Variants in SGCD observed in about 807,000 individuals in gnomAD.
The protein encoded by SGCD is sarcoglycan delta, also known as delta-sarcoglycan.
Under a neutral mutation model 36.6 loss-of-function variants are expected in SGCD, and 18 were observed. The observed-to-expected ratio is 0.49, with a 90% CI of 0.34 to 0.73. The LOEUF is 0.73. SGCD is among the 30% of genes least tolerant of loss of function. The pLI is 0.01. For missense variants in SGCD, 387 were observed against 346.7 expected (o/e 1.12, Z -0.92); for synonymous variants, 133 against 130.6 (o/e 1.02, Z -0.12).
rs544092059 is a variant in SGCD, at chr5:156,518,207, C to T, written c.294+9505C>T. Among the ~76,000 whole-genome samples, 44 of 152,108 alleles carry T rather than the reference C, an allele frequency of 2.9e-4. 1 individual carries two copies. The highest frequency in any genetic ancestry group is 2.0e-3 in the Admixed American group (31 of 15,276). ...GTCACAATCCTAGTTTCCGACAAAACGGGCTTTAAACCAACAAAAATTTAA... is the reference window on the plus strand; with the variant it reads ...GTCACAATCCTAGTTTCCGACAAAATGGGCTTTAAACCAACAAAAATTTAA... On this transcript the variant is annotated intron_variant, in intron 4 of 8. Transcript: ENST00000337851.
chr5:156,486,875 AC>A (rs1450698351), intron 3 of SGCD, among the ~76,000 whole-genome samples: 1 of 151,910 alleles, frequency 6.6e-6, no homozygotes, highest in Non-Finnish European at 1.5e-5. Context: ...CTCCACCACC[AC>A]CAGTGCCTAT....
the SGCD span, among the ~76,000 whole-genome samples, chr5:155,765,086 C>T: frequency 9.2e-5 from 14 of 151,790 alleles, no homozygotes; most frequent in African/African-American, 3.1e-4. Context: ...CAAGACCAGC[C>T]TGGGGAACAT....
chr5:156,359,543 A>G (rs1025707161), intron 3 of SGCD, among the ~76,000 whole-genome samples: 1 of 152,172 alleles, frequency 6.6e-6, no homozygotes, highest in Non-Finnish European at 1.5e-5. Context: ...CAGAGCTGGG[A>G]TATAAAGCCA....
the SGCD span, among the ~76,000 whole-genome samples, chr5:155,748,451 C>A: frequency 6.6e-6 from 1 of 152,062 alleles, no homozygotes; most frequent in African/African-American, 2.4e-5. Context: ...ATACCTGAGG[C>A]GTATGGTTCT....
chr5:156,161,043 G>C (rs1211470142), intron 3 of SGCD, among the ~76,000 whole-genome samples: 1 of 151,694 alleles, frequency 6.6e-6, no homozygotes, highest in African/African-American at 2.4e-5. Flanking sequence ...CAGCAGACTG[G>C]ATTACCCTTA....
intron 1 of SGCD, among the ~76,000 whole-genome samples, chr5:155,987,076 A>G (rs762118565): frequency 2.0e-5 from 3 of 152,226 alleles, no homozygotes; most frequent in Non-Finnish European, 4.4e-5. Flanking sequence ...CACTGATGTC[A>G]TAGGAGAAAG....
intron 3 of SGCD, chr5:156,458,630 A>C (rs1299764096): frequency 1.6e-6 from 1 of 643,362 alleles, no homozygotes; most frequent in Non-Finnish European, 2.8e-6. Flanking sequence ...AAAAAAATAC[A>C]ATATTCATGC....
chr5:156,694,011 C>T (rs1277692455), intron 7 of SGCD, among the ~76,000 whole-genome samples: 1 of 152,134 alleles, frequency 6.6e-6, no homozygotes, highest in Non-Finnish European at 1.5e-5. Flanking sequence ...ATTGTACTTG[C>T]AATGACTTGT....
the SGCD span, among the ~76,000 whole-genome samples, chr5:155,730,721 C>T: frequency 3.9e-5 from 6 of 152,150 alleles, no homozygotes; most frequent in East Asian, 3.9e-4. Flanking sequence ...CAAAAGAACC[C>T]TCTGCTGTTG....
At chr5:156,273,835 T>C (rs779863795) in intron 3 of SGCD, among the ~76,000 whole-genome samples, 2 of 152,190 alleles carry the variant, frequency 1.3e-5, no homozygotes, top group Non-Finnish European at 2.9e-5. Context: ...CTAAAATTGG[T>C]AGCTTGAGAA....
At chr5:155,881,188 T>C (rs752591169) in intron 1 of SGCD, among the ~76,000 whole-genome samples, 21 of 151,962 alleles carry the variant, frequency 1.4e-4, no homozygotes, top group Non-Finnish European at 2.6e-4. Context: ...GCACCTGTAA[T>C]CAATTGAGCT....
intron 4 of SGCD, among the ~76,000 whole-genome samples, chr5:156,563,294 T>C (rs1418099228): frequency 6.6e-6 from 1 of 152,164 alleles, no homozygotes; most frequent in Admixed American, 6.6e-5. Flanking sequence ...CAGACCATTA[T>C]TAACACTCTT....
chr5:156,469,495 T>C (rs1754864140), intron 3 of SGCD, among the ~76,000 whole-genome samples: 1 of 152,222 alleles, frequency 6.6e-6, no homozygotes, highest in Admixed American at 6.5e-5. Flanking sequence ...AACAGATTTT[T>C]ATATTTATTT....
intron 3 of SGCD, among the ~76,000 whole-genome samples, chr5:156,163,037 A>C (rs182561115): frequency 6.6e-6 from 1 of 151,492 alleles, no homozygotes; most frequent in Non-Finnish European, 1.5e-5. Flanking sequence ...AATGTAGCCC[A>C]GCTTCTCTCT....
intron 7 of SGCD, among the ~76,000 whole-genome samples, chr5:156,743,106 A>C: frequency 9.3e-6 from 1 of 107,132 alleles, no homozygotes. Context: ...TGCTTCCTAC[A>C]TCTTTTTTTT....
At chr5:156,402,541 G>A (rs1026481693) in intron 3 of SGCD, among the ~76,000 whole-genome samples, 2 of 152,150 alleles carry the variant, frequency 1.3e-5, no homozygotes, top group Non-Finnish European at 2.9e-5. Context: ...TATTCAGAAG[G>A]GGGTGGGAAG....
At chr5:156,723,590 T>C (rs1411428115) in intron 7 of SGCD, among the ~76,000 whole-genome samples, 1 of 152,148 alleles carries the variant, frequency 6.6e-6, no homozygotes, top group East Asian at 1.9e-4. Context: ...TACAAAAGCA[T>C]GTAATAGAAG....
intron 1 of SGCD, among the ~76,000 whole-genome samples, chr5:155,944,761 C>T (rs1023750876): frequency 6.6e-6 from 1 of 152,118 alleles, no homozygotes; most frequent in Admixed American, 6.5e-5. Context: ...TTTATGATTG[C>T]ACTGAATTTG....
intron 3 of SGCD, among the ~76,000 whole-genome samples, chr5:156,409,993 C>T (rs1345114353): frequency 6.6e-6 from 1 of 151,896 alleles, no homozygotes; most frequent in Non-Finnish European, 1.5e-5. Context: ...AATATGTTAC[C>T]ACAAGAATAC....
Sources: allele counts gnomAD v4.1 joint callset (sites outside exome capture counted in the v4.1 genomes callset), GRCh38; gene constraint gnomAD v4.1.1; transcripts MANE v1.5; gene names NCBI Gene and HGNC (gene_info 2026-07-23, HGNC 2026-07-21).